Variants in TENM2 observed in about 807,000 individuals in gnomAD.
The protein encoded by TENM2 is teneurin transmembrane protein 2.
TENM2 carries 52 observed loss-of-function variants against 245.2 expected under a neutral mutation model. The ratio of observed to expected loss-of-function variants is 0.21; its 90% CI spans 0.17 to 0.27. The LOEUF (loss-of-function observed/expected upper bound fraction) is 0.27. Among genes scored for constraint, TENM2 ranks in the 10% least tolerant of loss-of-function variants. The probability of loss-of-function intolerance (pLI) is 1.00; values close to 1 mark genes in which losing one functional copy is unlikely to be tolerated. For missense variants in TENM2, 3,046 were observed against 3,666.8 expected, an observed-to-expected ratio of 0.83 and a Z score of 4.37; for synonymous variants, 1,363 against 1,438.9, an observed-to-expected ratio of 0.95 and a Z score of 1.19.
At chr5:167,552,129 T>C (rs916480660) in intron 2 of TENM2, among the ~76,000 whole-genome samples, 2 of 152,218 alleles carry the variant, frequency 1.3e-5, no homozygotes, top group Non-Finnish European at 2.9e-5. Flanking sequence ...GCCATTGTCA[T>C]TGCAAAGCTA....
chr5:167,807,746 C>T (rs1766331489), intron 2 of TENM2, among the ~76,000 whole-genome samples: 1 of 151,812 alleles, frequency 6.6e-6, no homozygotes, highest in African/African-American at 2.4e-5. Context: ...AATTTCCCAC[C>T]AAGAATGAAT....
intron 9 of TENM2, among the ~76,000 whole-genome samples, chr5:168,104,663 G>T (rs975390363): frequency 2.0e-5 from 3 of 152,138 alleles, no homozygotes; most frequent in Non-Finnish European, 4.4e-5. Context: ...TTATAAACCT[G>T]CCAGTCTGCA....
intron 5 of TENM2, among the ~76,000 whole-genome samples, chr5:168,020,784 A>C (rs1376306548): frequency 2.6e-5 from 4 of 152,142 alleles, no homozygotes. Flanking sequence ...CTTTGACGGA[A>C]TATTTCCTCT....
intron 12 of TENM2, among the ~76,000 whole-genome samples, chr5:168,161,845 T>C (rs939021757): frequency 1.2e-5 from 1 of 80,412 alleles, no homozygotes; most frequent in Non-Finnish European, 2.4e-5. Flanking sequence ...CACACACACA[T>C]CAATAAAGGA....
chr5:167,903,711 A>G (rs1264439171), intron 3 of TENM2, among the ~76,000 whole-genome samples: 2 of 152,226 alleles, frequency 1.3e-5, no homozygotes, highest in African/African-American at 4.8e-5. Flanking sequence ...GGTGGATGTC[A>G]CACCAGCAGC....
the TENM2 span, among the ~76,000 whole-genome samples, chr5:167,133,473 C>T: frequency 0.02 from 3,049 of 152,102 alleles, 103 homozygotes; most frequent in African/African-American, 0.069. Flanking sequence ...CTTATGTAGG[C>T]CTTGCTTCCA....
intron 5 of TENM2, among the ~76,000 whole-genome samples, chr5:168,034,787 A>T (rs1000518046): frequency 6.6e-6 from 1 of 152,048 alleles, no homozygotes. Context: ...AAATAAATAA[A>T]AAATAAATAA....
At chr5:168,144,410 T>C (rs1319842440) in intron 12 of TENM2, among the ~76,000 whole-genome samples, 2 of 149,726 alleles carry the variant, frequency 1.3e-5, no homozygotes, top group East Asian at 4.0e-4. Context: ...AATTCCCACC[T>C]GTAAGTGAGA....
chr5:167,245,467 A>G, the TENM2 span, among the ~76,000 whole-genome samples: 2 of 151,912 alleles, frequency 1.3e-5, no homozygotes, highest in Non-Finnish European at 2.9e-5. Flanking sequence ...TATATAACAA[A>G]TATTTCAAAT....
intron 2 of TENM2, among the ~76,000 whole-genome samples, chr5:167,667,944 AC>A (rs1217054408): frequency 6.6e-6 from 1 of 152,200 alleles, no homozygotes; most frequent in Non-Finnish European, 1.5e-5. Flanking sequence ...ACCAAGGAAA[AC>A]ACAGTAAAGA....
the TENM2 span, among the ~76,000 whole-genome samples, chr5:167,050,727 GTTCT>G: frequency 1.3e-5 from 2 of 152,144 alleles, no homozygotes; most frequent in South Asian, 2.1e-4. Flanking sequence ...TGTCTGCATA[GTTCT>G]TTCTTCATTC....
chr5:168,200,328 CAAAG>C (rs1366291866), intron 17 of TENM2, among the ~76,000 whole-genome samples, 197 bp downstream of exon 19: 1 of 151,952 alleles, frequency 6.6e-6, no homozygotes, highest in East Asian at 1.9e-4. Flanking sequence ...ACAAGTGAAA[CAAAG>C]AAATATCAAG....
At chr5:167,864,838 A>C (rs1487812691) in intron 2 of TENM2, among the ~76,000 whole-genome samples, 1 of 152,218 alleles carries the variant, frequency 6.6e-6, no homozygotes, top group Non-Finnish European at 1.5e-5. Flanking sequence ...CTTGGAAATA[A>C]TACCTGGTAC....
chr5:167,039,436 T>A, the TENM2 span, among the ~76,000 whole-genome samples: 2 of 152,222 alleles, frequency 1.3e-5, no homozygotes, highest in Non-Finnish European at 2.9e-5. Context: ...ACTTGGACTA[T>A]CATACCTCTG....
the TENM2 span, among the ~76,000 whole-genome samples, chr5:167,054,283 T>A: frequency 6.6e-6 from 1 of 152,230 alleles, no homozygotes; most frequent in Non-Finnish European, 1.5e-5. Context: ...GTTGGAATCA[T>A]ACCATATGTG....
chr5:168,036,695 A>ATATT (rs1408467026), intron 5 of TENM2, among the ~76,000 whole-genome samples: 1 of 111,084 alleles, frequency 9.0e-6, no homozygotes, highest in African/African-American at 4.7e-5. Context: ...ATATATATAT[A>ATATT]TATATGTATG....
chr5:167,700,593 T>C (rs1758072415), intron 2 of TENM2, among the ~76,000 whole-genome samples: 1 of 152,182 alleles, frequency 6.6e-6, no homozygotes, highest in Admixed American at 6.5e-5. Flanking sequence ...ACAGAGTCCT[T>C]GCTTCTCACT....
chr5:168,049,677 A>G (rs1788906910), intron 6 of TENM2, among the ~76,000 whole-genome samples: 1 of 152,226 alleles, frequency 6.6e-6, no homozygotes, highest in Non-Finnish European at 1.5e-5. Flanking sequence ...GTGTCTTTGG[A>G]AAGACCAGAA....
chr5:167,079,836 T>C, the TENM2 span, among the ~76,000 whole-genome samples: 2 of 152,314 alleles, frequency 1.3e-5, no homozygotes, highest in East Asian at 3.9e-4. Flanking sequence ...AACAAAGATT[T>C]CTCTAATGCT....
Sources: allele counts gnomAD v4.1 joint callset (sites outside exome capture counted in the v4.1 genomes callset), GRCh38; gene constraint gnomAD v4.1.1; transcripts MANE v1.5; gene names NCBI Gene and HGNC (gene_info 2026-07-23, HGNC 2026-07-21).